LRRC36: variants seen among roughly 807,000 people sequenced by gnomAD.
LRRC36 encodes leucine-rich repeat-containing protein 36.
LRRC36 carries 62 observed loss-of-function variants against 81.1 expected under a neutral mutation model. That is an observed-to-expected ratio of 0.76 (90% confidence interval 0.62 to 0.94). LRRC36 has a LOEUF of 0.94. LRRC36 is among the 40% of genes least tolerant of loss of function. LRRC36 has a pLI of 0.00. For missense variants in LRRC36, 761 were observed against 881.7 expected, an observed-to-expected ratio of 0.86 and a Z score of 1.73; for synonymous variants, 334 against 348.6, an observed-to-expected ratio of 0.96 and a Z score of 0.47.
intron 5 of LRRC36, among the ~76,000 whole-genome samples, chr16:67,356,662 G>T (rs2038917045): frequency 6.6e-6 from 1 of 152,208 alleles, no homozygotes; most frequent in Non-Finnish European, 1.5e-5. Context: ...TAGGTCACAA[G>T]TCAGGCTTCA....
Position 67,340,739 on chromosome 16 carries a change from A to G in LRRC36, c.71-1218A>G, listed in dbSNP as rs571645976. Among the ~76,000 whole-genome samples the G allele has an allele frequency of 2.0e-5, 3 of 149,094 alleles. No individual in the cohort carries two copies. The East Asian group carries it at 5.9e-4, about 29-fold the overall frequency. ...ATTCTATATATATACTCTATAGAAT[A>G]TATACCACATATACTCTATAGAATA... is the stretch of plus-strand genomic sequence containing the variant. On this transcript the variant is annotated intron_variant, in intron 1 of 13. Transcript: ENST00000329956.
chr16:67,376,955 A>T, intron 11 of LRRC36, 83 bp downstream of exon 11: 1 of 1,409,382 alleles, frequency 7.1e-7, no homozygotes, highest in Non-Finnish European at 9.5e-7. Flanking sequence ...CATCACCGTG[A>T]ACACCTAACC....
intron 2 of LRRC36, among the ~76,000 whole-genome samples, chr16:67,342,635 TG>T (rs1043689642): frequency 1.3e-5 from 2 of 152,180 alleles, no homozygotes; most frequent in Non-Finnish European, 2.9e-5. Flanking sequence ...ACAGTGTGCG[TG>T]TGGATTAGCA....
chr16:67,337,852 G>A (rs929173365), intron 1 of LRRC36, among the ~76,000 whole-genome samples: 8 of 151,952 alleles, frequency 5.3e-5, no homozygotes, highest in African/African-American at 1.9e-4. Context: ...TTGGAACGCC[G>A]AGGCAGGCGG....
chr16:67,359,174 A>G (rs893588019), intron 5 of LRRC36, among the ~76,000 whole-genome samples: 1 of 152,216 alleles, frequency 6.6e-6, no homozygotes, highest in Non-Finnish European at 1.5e-5. Context: ...TCCTAGGTAT[A>G]TATACCTAAG....
intron 1 of LRRC36, among the ~76,000 whole-genome samples, chr16:67,328,518 A>C (rs960945522): frequency 6.6e-6 from 1 of 152,164 alleles, no homozygotes; most frequent in Non-Finnish European, 1.5e-5. Context: ...GTCTCGAAAA[A>C]ATAAATAAAT....
intron 5 of LRRC36, among the ~76,000 whole-genome samples, chr16:67,354,774 T>C (rs1243465476): frequency 6.6e-6 from 1 of 152,166 alleles, no homozygotes; most frequent in Admixed American, 6.5e-5. Flanking sequence ...TAACCCAAAG[T>C]TCACAGTTTA....
rs546574546 is a variant in LRRC36 at position 67,360,747 on chromosome 16, A to G, written c.578-2843A>G. 5.9e-5 allele frequency among the ~76,000 whole-genome samples: 9 copies of G among 152,322 alleles called. No homozygotes were observed. The South Asian group carries it at 6.2e-4, about 11-fold the overall frequency. ...AGATGGATGGAGGGGCTGGTTCTCA[A>G]GAGGCTGGCTTTATTCACTGTCTAC... On this transcript the variant is annotated intron_variant, in intron 5 of 13. Coordinates refer to ENST00000329956, the MANE Select transcript of LRRC36 (RefSeq NM_018296.6).
intron 1 of LRRC36, among the ~76,000 whole-genome samples, chr16:67,331,566 G>A (rs9930454): frequency 0.18 from 26,960 of 152,054 alleles, 5,716 homozygotes; most frequent in African/African-American, 0.51. Flanking sequence ...TGGAGGGGAC[G>A]TTCAAACCAT....
intron 5 of LRRC36, chr16:67,362,232 G>A (rs1221265118): frequency 1.6e-5 from 7 of 449,808 alleles, no homozygotes; most frequent in East Asian, 7.1e-5. Flanking sequence ...GCGCGATCTC[G>A]GCTCACTGCA....
intron 2 of LRRC36, 107 bp downstream of exon 2, chr16:67,342,191 T>A: frequency 1.6e-6 from 1 of 636,284 alleles, no homozygotes; most frequent in Non-Finnish European, 2.4e-6. Flanking sequence ...ACCTTCCCTT[T>A]AAATGATTCC....
At chr16:67,353,361 T>C (rs1335737913) in intron 5 of LRRC36, among the ~76,000 whole-genome samples, 1 of 151,934 alleles carries the variant, frequency 6.6e-6, no homozygotes, top group African/African-American at 2.4e-5. Context: ...TTTCCATTTC[T>C]TTTTTTATTT....
rs1163529492 is a variant in LRRC36, at chr16:67,341,047, T to TA, written c.71-910_71-909insA. Among the ~76,000 whole-genome samples the TA allele has an allele frequency of 4.9e-4, 61 of 124,102 alleles. 13 individuals carry two copies. The highest frequency in any genetic ancestry group is 1.9e-3 in the African/African-American group (58 of 31,126). 81.4% of individuals were successfully genotyped at this position (124,102 alleles called of 152,430 possible). On this transcript the variant is annotated intron_variant, in intron 1 of 13. Transcript: ENST00000329956. Reference sequence around the variant, plus strand: ...TGTACTCTACATATTCTATAGAATATGTACTCTACATATTCTATAGAATAT... The same window carrying TA: ...TGTACTCTACATATTCTATAGAATATAGTACTCTACATATTCTATAGAATAT...
At chr16:67,345,032 C>A (rs1446446776) in intron 2 of LRRC36, among the ~76,000 whole-genome samples, 5 of 150,792 alleles carry the variant, frequency 3.3e-5, no homozygotes, top group Non-Finnish European at 7.4e-5. Context: ...ATATGATTAA[C>A]CAGGCACAGT....
Position 67,385,125 on chromosome 16 carries a change from C to A in LRRC36, c.*36C>A. ...GAACTCACACCACAGCTTCCCTGGT[C>A]CACAGAGGCTCTCACCGCCATTGCC... On this transcript the variant is annotated 3_prime_UTR_variant, in exon 14 of 14. Transcript: ENST00000329956. 6.5e-7 allele frequency: 1 copy of A among 1,535,160 alleles called. No homozygotes were observed. Among genetic ancestry groups the A allele is most frequent in the South Asian group, 1.1e-5 (1 of 88,714 alleles).
At position 67,367,302 on chromosome 16, in the gene LRRC36, T is replaced by A. The variant is rs953317840; in HGVS notation, c.1040T>A (p.Leu347His). ...CAAACTCTATCCCTGCATGGAAGTC[T>A]TGGTAAAAGGCCTCAGAGAAGCAAG... ...YSQTLSLHGS[L>H]GKRPQRSKNY... Residue 347 changes from leucine (L) to histidine (H), a missense_variant, in exon 8 of 14, where the codon CTT becomes CAT. Leu to His is a moderately conservative substitution (Grantham distance 99, BLOSUM62 -3). Coordinates refer to ENST00000329956, the MANE Select transcript of LRRC36 (RefSeq NM_018296.6). 6.2e-7 allele frequency: 1 copy of A among 1,614,150 alleles called. No individual in the cohort carries two copies. Among genetic ancestry groups the A allele is most frequent in the Non-Finnish European group, 8.5e-7 (1 of 1,180,026 alleles).
chr16:67,365,391 A>C (rs2039339920), intron 7 of LRRC36, 36 bp downstream of exon 7: 2 of 1,581,944 alleles, frequency 1.3e-6, no homozygotes, highest in Middle Eastern at 3.3e-4. Flanking sequence ...TTTCCCCCAC[A>C]CTAATCAGAG....
intron 6 of LRRC36, among the ~76,000 whole-genome samples, chr16:67,364,562 C>T (rs368759901): frequency 2.6e-5 from 4 of 152,122 alleles, no homozygotes; most frequent in Middle Eastern, 6.3e-3. Context: ...TAATCAGTTT[C>T]TTTGTTTTTG....
intron 12 of LRRC36, among the ~76,000 whole-genome samples, chr16:67,379,497 AC>A (rs1187953495): frequency 1.3e-5 from 2 of 152,164 alleles, no homozygotes; most frequent in Non-Finnish European, 2.9e-5. Flanking sequence ...TGGGCGGATC[AC>A]TTGAGCTCAG....
Sources: gnomAD v4.1 joint callset for allele counts (sites outside exome capture counted in the v4.1 genomes callset) on GRCh38, gnomAD v4.1.1 for gene constraint, MANE v1.5 for transcripts, NCBI Gene and HGNC (gene_info 2026-07-23, HGNC 2026-07-21) for gene names.